The following PDE7A variants were observed in gnomAD, a reference collection of about 807,000 sequenced individuals.
The protein encoded by PDE7A is high affinity 3',5'-cyclic-AMP phosphodiesterase 7A.
Under a neutral mutation model 64.3 loss-of-function variants are expected in PDE7A, and 39 were observed. That is an observed-to-expected ratio of 0.61 (90% CI 0.47 to 0.79). PDE7A has a LOEUF of 0.79. Among genes scored for constraint, PDE7A ranks in the 30% least tolerant of loss-of-function variants. The pLI is 0.00. For missense variants in PDE7A, 470 were observed against 582.8 expected, an observed-to-expected ratio of 0.81 and a Z score of 1.99; for synonymous variants, 203 against 206.8, an observed-to-expected ratio of 0.98 and a Z score of 0.16.
intron 3 of PDE7A, among the ~76,000 whole-genome samples, chr8:65,772,395 A>T (rs1396628919): frequency 6.6e-6 from 1 of 152,214 alleles, no homozygotes; most frequent in Non-Finnish European, 1.5e-5. Flanking sequence ...GTACCTCTGA[A>T]GGTTTAAACA....
intron 10 of PDE7A, 115 bp from the exon 11 acceptor site, chr8:65,724,466 A>G: frequency 1.3e-5 from 8 of 638,672 alleles, no homozygotes; most frequent in Non-Finnish European, 2.1e-5. Context: ...AGCCAGAAAT[A>G]TAATTCTCCT....
At chr8:65,747,576 C>A in intron 4 of PDE7A, 76 bp downstream of exon 4, 1 of 858,094 alleles carries the variant, frequency 1.2e-6, no homozygotes, top group Admixed American at 3.0e-5. Flanking sequence ...CTCTATAAAT[C>A]ATTACTGTAT....
At chr8:65,785,922 G>A (rs1006588462) in intron 1 of PDE7A, among the ~76,000 whole-genome samples, 1 of 151,986 alleles carries the variant, frequency 6.6e-6, no homozygotes, top group African/African-American at 2.4e-5. Flanking sequence ...ATTAAGGATT[G>A]TGAAAGACTG....
intron 5 of PDE7A, among the ~76,000 whole-genome samples, chr8:65,740,520 C>T (rs1807370199): frequency 6.6e-6 from 1 of 152,128 alleles, no homozygotes; most frequent in African/African-American, 2.4e-5. Context: ...CCTGCCTCAG[C>T]CTCCCGAGTA....
Position 65,824,053 on chromosome 8 carries a change from G to A in PDE7A, c.138+17318C>T, listed in dbSNP as rs541817739. 6.6e-5 allele frequency among the ~76,000 whole-genome samples: 10 copies of A among 152,272 alleles called. No individual in the cohort carries two copies. The East Asian group carries it at 1.9e-3, about 29-fold the overall frequency. ...ATACAGGAATGCCTTGCTTTATTGT[G>A]CTTTTCAGACACTGCATTTTTTTTA... On this transcript the variant is annotated intron_variant, in intron 1 of 12. Coordinates refer to ENST00000401827, the MANE Select transcript of PDE7A (RefSeq NM_001242318.3).
chr8:65,837,586 A>G (rs1810976887), intron 1 of PDE7A, among the ~76,000 whole-genome samples: 1 of 152,236 alleles, frequency 6.6e-6, no homozygotes, highest in South Asian at 2.1e-4. Context: ...GTGTACACTG[A>G]CCCACCAGAA....
rs544215425 is a variant in PDE7A at position 65,819,374 on chromosome 8, G to A, written c.138+21997C>T. ...ACCACACCACTGCACTCCAGCCTGG[G>A]TGACATAGCGAGACCCTGTCTCAAA... On this transcript the variant is annotated intron_variant, in intron 1 of 12. Coordinates refer to ENST00000401827, the MANE Select transcript of PDE7A (RefSeq NM_001242318.3). Among the ~76,000 whole-genome samples, 302 of 152,344 alleles carry A rather than the reference G, an allele frequency of 2.0e-3. 2 individuals carry two copies. Among genetic ancestry groups the A allele is most frequent in the African/African-American group, 6.7e-3 (279 of 41,580 alleles).
intron 1 of PDE7A, among the ~76,000 whole-genome samples, chr8:65,820,962 A>G (rs564868780): frequency 6.6e-6 from 1 of 152,274 alleles, no homozygotes; most frequent in African/African-American, 2.4e-5. Context: ...TAGATTTAAG[A>G]AATTTTTATC....
intron 1 of PDE7A, among the ~76,000 whole-genome samples, chr8:65,815,380 C>G (rs576887867): frequency 6.6e-6 from 1 of 152,236 alleles, no homozygotes; most frequent in African/African-American, 2.4e-5. Flanking sequence ...AGACAGAAAA[C>G]CTTTGTTTAC....
intron 7 of PDE7A, among the ~76,000 whole-genome samples, chr8:65,734,477 T>C (rs1385516466): frequency 6.6e-6 from 1 of 152,178 alleles, no homozygotes; most frequent in Non-Finnish European, 1.5e-5. Context: ...TCCTCATTCA[T>C]TCACTGAGTC....
Position 65,840,231 on chromosome 8 carries a change from C to T in PDE7A, c.138+1140G>A, listed in dbSNP as rs116988001. On this transcript the variant is annotated intron_variant, in intron 1 of 12. Transcript: ENST00000401827. ...TGCTCTGACCTCATTAGCATACTACCTTGTGCTGTGAAATAAGTTTTAGTT... is the reference window on the plus strand; with the variant it reads ...TGCTCTGACCTCATTAGCATACTACTTTGTGCTGTGAAATAAGTTTTAGTT... Among the ~76,000 whole-genome samples the T allele has an allele frequency of 2.1e-3, 327 of 152,300 alleles. 13 individuals are homozygous for T. The East Asian group carries it at 0.056, about 26-fold the overall frequency.
intron 6 of PDE7A, among the ~76,000 whole-genome samples, chr8:65,736,273 C>T (rs1004965092): frequency 1.3e-5 from 2 of 152,098 alleles, no homozygotes; most frequent in Admixed American, 6.5e-5. Context: ...AATGAGATTT[C>T]ATCACGCTGC....
chr8:65,727,365 G>A, intron 7 of PDE7A, 64 bp from the exon 8 acceptor site: 16 of 1,590,348 alleles, frequency 1.0e-5, no homozygotes, highest in Middle Eastern at 3.4e-4. Context: ...CGCCATCACA[G>A]TAGTTTTGAA....
chr8:65,798,200 A>ATTT (rs1276764898), intron 1 of PDE7A, among the ~76,000 whole-genome samples: 4 of 21,400 alleles, frequency 1.9e-4, no homozygotes, highest in African/African-American at 7.8e-4. Context: ...ATATATATAT[A>ATTT]TATATATTTT....
intron 1 of PDE7A, among the ~76,000 whole-genome samples, chr8:65,813,665 T>TAAA (rs1810309179): frequency 6.6e-6 from 1 of 152,236 alleles, no homozygotes; most frequent in Non-Finnish European, 1.5e-5. Context: ...ACTTTATTTT[T>TAAA]TAATGTAATC....
In PDE7A at chr8:65,723,553, T is replaced by C; in HGVS notation, c.1231A>G (p.Asn411Asp). Residue 411 changes from asparagine (N) to aspartate (D), a missense_variant, in exon 12 of 13, where the codon AAC (asparagine) becomes GAC (aspartate). Physicochemically the swap from Asn to Asp is conservative, Grantham distance 23 (BLOSUM62 1). Coordinates refer to ENST00000401827, the MANE Select transcript of PDE7A (RefSeq NM_001242318.3). Reference sequence around the variant, plus strand: ...TATGTATAGTTACCAATCTGGATGTTGGCAATAGATTCAGTGTGACGATCG... The same window carrying C: ...TATGTATAGTTACCAATCTGGATGTCGGCAATAGATTCAGTGTGACGATCG... The part of the protein sequence containing the change: ...LCDRHTESIA[N>D]IQIGFMTYLV... The C allele has an allele frequency of 6.3e-7, 1 of 1,577,092 alleles. No homozygotes were observed. Among genetic ancestry groups the C allele is most frequent in the Non-Finnish European group, 8.6e-7 (1 of 1,163,494 alleles).
At chr8:65,733,938 A>C (rs748356739) in intron 7 of PDE7A, among the ~76,000 whole-genome samples, 1 of 152,190 alleles carries the variant, frequency 6.6e-6, no homozygotes, top group Non-Finnish European at 1.5e-5. Flanking sequence ...AGGCAGACAT[A>C]ATTGCAGAAC....
At chr8:65,775,565 T>C (rs1472337548) in intron 3 of PDE7A, among the ~76,000 whole-genome samples, 2 of 152,254 alleles carry the variant, frequency 1.3e-5, no homozygotes, top group East Asian at 3.8e-4. Context: ...CCTTTTTGTT[T>C]TCTAGCTTTG....
chr8:65,839,225 A>ATTT (rs776079928), intron 1 of PDE7A, among the ~76,000 whole-genome samples: 9,285 of 146,648 alleles, frequency 0.063, 346 homozygotes, highest in Middle Eastern at 0.099. Context: ...CTTTTTTTTA[A>ATTT]AAAAAAAAGG....
Sources: gnomAD v4.1 joint callset for allele counts (sites outside exome capture counted in the v4.1 genomes callset) on GRCh38, gnomAD v4.1.1 for gene constraint, MANE v1.5 for transcripts, NCBI Gene and HGNC (gene_info 2026-07-23, HGNC 2026-07-21) for gene names.